PKHD1L1: variants seen among roughly 807,000 people sequenced by gnomAD.
PKHD1L1 encodes the protein fibrocystin-L.
A neutral mutation model predicts 462.9 loss-of-function variants in PKHD1L1; 434 were observed. The ratio of observed to expected loss-of-function variants is 0.94; its 90% confidence interval spans 0.87 to 1.02. PKHD1L1 has a LOEUF of 1.02. Ranked by LOEUF, PKHD1L1 falls within the 50% of genes least tolerant of loss-of-function variation. PKHD1L1 has a pLI of 0.00. For missense variants in PKHD1L1, 5,202 were observed against 5,096.1 expected (o/e 1.02, Z -0.63); for synonymous variants, 1,781 against 1,750.0 (o/e 1.02, Z -0.44).
intron 14 of PKHD1L1, 23 bp from the exon 15 acceptor site, chr8:109,404,531 T>C: frequency 1.4e-6 from 2 of 1,432,312 alleles, no homozygotes; most frequent in Non-Finnish European, 1.9e-6. Context: ...AAAGTTATAT[T>C]CATTAGTTAC....
At chr8:109,416,153 G>C (rs1231026947) in intron 21 of PKHD1L1, among the ~76,000 whole-genome samples, 3 of 152,240 alleles carry the variant, frequency 2.0e-5, no homozygotes. Flanking sequence ...AGGGCGTTAA[G>C]CTTTTCAAAG....
intron 6 of PKHD1L1, among the ~76,000 whole-genome samples, chr8:109,386,072 C>T: frequency 6.6e-6 from 1 of 152,188 alleles, no homozygotes; most frequent in East Asian, 1.9e-4. Flanking sequence ...TTTTCTACTG[C>T]TTCATGATGT....
At chr8:109,518,011 AGT>A (rs1820359503) in intron 72 of PKHD1L1, among the ~76,000 whole-genome samples, 154 bp from the exon 73 acceptor site, 1 of 152,150 alleles carries the variant, frequency 6.6e-6, no homozygotes, top group African/African-American at 2.4e-5. Context: ...CAGTTCTATA[AGT>A]GTTTTTGTTT....
intron 23 of PKHD1L1, among the ~76,000 whole-genome samples, chr8:109,421,562 C>T (rs1814467988): frequency 6.6e-6 from 1 of 151,898 alleles, no homozygotes; most frequent in African/African-American, 2.4e-5. Context: ...ACGGGCGGAT[C>T]ATGAGGTCAG....
chr8:109,466,528 A>T (rs1206848187), intron 49 of PKHD1L1, 50 bp from the exon 50 acceptor site: 1 of 1,487,602 alleles, frequency 6.7e-7, no homozygotes, highest in Non-Finnish European at 9.0e-7. Flanking sequence ...GACCTTTTTT[A>T]TGTTTCTTAA....
chr8:109,508,626 A>G (rs1207239007), intron 70 of PKHD1L1, among the ~76,000 whole-genome samples: 1 of 152,170 alleles, frequency 6.6e-6, no homozygotes, highest in African/African-American at 2.4e-5. Context: ...AAAAAATACA[A>G]TTGACCTAAC....
chr8:109,469,109 C>A (rs1456612371), intron 50 of PKHD1L1, among the ~76,000 whole-genome samples: 1 of 152,134 alleles, frequency 6.6e-6, no homozygotes, highest in Non-Finnish European at 1.5e-5. Flanking sequence ...ATTAAACCTA[C>A]CTTTATATCT....
At chr8:109,510,534 T>A (rs1002060217) in intron 70 of PKHD1L1, among the ~76,000 whole-genome samples, 1 of 152,152 alleles carries the variant, frequency 6.6e-6, no homozygotes, top group Non-Finnish European at 1.5e-5. Flanking sequence ...TGTACCCTTC[T>A]TGCCCTGGGC....
intron 37 of PKHD1L1, 122 bp downstream of exon 37, chr8:109,444,024 C>T: frequency 3.6e-6 from 3 of 830,626 alleles, no homozygotes; most frequent in Non-Finnish European, 5.6e-6. Context: ...CCATACAATT[C>T]ACCCACTTAA....
rs1821065829 is a variant in PKHD1L1 at position 109,532,561 on chromosome 8, C to A, written c.*2471C>A. ...AAGAAGTGGCTATCTAGCTCTTGAACAAGTCATAAAAATCCTTTGATGTGT... is the reference window on the plus strand; with the variant it reads ...AAGAAGTGGCTATCTAGCTCTTGAAAAAGTCATAAAAATCCTTTGATGTGT... On this transcript the variant is annotated 3_prime_UTR_variant, in exon 78 of 78. Coordinates refer to ENST00000378402, the MANE Select transcript of PKHD1L1 (RefSeq NM_177531.6). Among the ~76,000 whole-genome samples the A allele has an allele frequency of 6.6e-6, 1 of 152,116 alleles. No homozygotes were observed. The highest frequency in any genetic ancestry group is 2.1e-4 in the South Asian group (1 of 4,834).
chr8:109,513,943 T>C (rs1315849408), intron 71 of PKHD1L1, among the ~76,000 whole-genome samples: 1 of 152,120 alleles, frequency 6.6e-6, no homozygotes, highest in Admixed American at 6.5e-5. Context: ...AGTAGCCAGA[T>C]ACCGTGAAAA....
At chr8:109,393,283 A>G (rs1026677828) in intron 9 of PKHD1L1, among the ~76,000 whole-genome samples, 18 of 151,672 alleles carry the variant, frequency 1.2e-4, no homozygotes, top group African/African-American at 3.6e-4. Context: ...GGTCTCGGTG[A>G]CAAGATTTAC....
chr8:109,465,487 T>C (rs1817390941), intron 49 of PKHD1L1, among the ~76,000 whole-genome samples: 3 of 152,156 alleles, frequency 2.0e-5, no homozygotes, highest in African/African-American at 7.2e-5. Flanking sequence ...GGCACATTGA[T>C]TTTAAATTAA....
chr8:109,372,441 C>T (rs192956138), intron 2 of PKHD1L1, among the ~76,000 whole-genome samples: 2 of 152,334 alleles, frequency 1.3e-5, no homozygotes, highest in East Asian at 3.9e-4. Context: ...ACAATCTCGT[C>T]ATCTGCAAAC....
chr8:109,375,283 T>C (rs1470821341), intron 2 of PKHD1L1, among the ~76,000 whole-genome samples: 1 of 152,232 alleles, frequency 6.6e-6, no homozygotes, highest in East Asian at 1.9e-4. Context: ...TATCTTCCAG[T>C]TGATCGCATC....
At chr8:109,406,520 G>A in intron 17 of PKHD1L1, 42 bp downstream of exon 17, 1 of 1,530,614 alleles carries the variant, frequency 6.5e-7, no homozygotes, top group East Asian at 2.4e-5. Flanking sequence ...GGAAACAAAT[G>A]TATATCCTGT....
In PKHD1L1 at chr8:109,536,345, C is replaced by T. The variant is rs74846203; in HGVS notation, c.*6255C>T. ...TTAAAGTTGTTCAAGGTCAAAGTCA[C>T]GATGTCCATCATGCTGTAGCTCAAT... On this transcript the variant is annotated 3_prime_UTR_variant, in exon 78 of 78. Coordinates refer to ENST00000378402, the MANE Select transcript of PKHD1L1 (RefSeq NM_177531.6). Among the ~76,000 whole-genome samples, 1 of 152,198 alleles carries T rather than the reference C, an allele frequency of 6.6e-6. No homozygotes were observed.
rs764720342 is a variant in PKHD1L1 at position 109,465,006 on chromosome 8, C to T, written c.8174C>T (p.Ala2725Val). The T allele has an allele frequency of 6.2e-7, 1 of 1,613,834 alleles. No individual in the cohort carries two copies. Among genetic ancestry groups the T allele is most frequent in the Non-Finnish European group, 8.5e-7 (1 of 1,179,794 alleles). Residue 2725 changes from alanine to valine, a missense_variant, in exon 49 of 78, where the codon GCA becomes GTA. Physicochemically the swap from Ala to Val is moderately conservative, Grantham distance 64. Coordinates refer to ENST00000378402, the MANE Select transcript of PKHD1L1 (RefSeq NM_177531.6). Reference sequence around the variant, plus strand: ...GGAATGGGGTCTGCATTTTGCACAGCAAAAGGCCTGGTTCTCCCATTTAGT... The same window carrying T: ...GGAATGGGGTCTGCATTTTGCACAGTAAAAGGCCTGGTTCTCCCATTTAGT... ...ELGMGSAFCT[A>V]KGLVLPFSEG...
rs1179987481 is a variant in PKHD1L1, at chr8:109,405,150, G to A, written c.1669+20G>A. The A allele has an allele frequency of 1.7e-5, 23 of 1,351,904 alleles. No individual in the cohort carries two copies. Among genetic ancestry groups the A allele is most frequent in the Admixed American group, 2.2e-5 (1 of 45,468 alleles). 83.7% of individuals were successfully genotyped at this position (1,351,904 alleles called of 1,614,324 possible). On this transcript the variant is annotated intron_variant, in intron 16 of 77. Transcript: ENST00000378402. ...AAACTGGTAAGTTATAAATAATAAG[G>A]GAGATACTGTTTCTGTTCATGTATA...
Sources: gnomAD v4.1 joint callset for allele counts (sites outside exome capture counted in the v4.1 genomes callset) on GRCh38, gnomAD v4.1.1 for gene constraint, MANE v1.5 for transcripts, NCBI Gene and HGNC (gene_info 2026-07-23, HGNC 2026-07-21) for gene names.